EPAS1: variants seen among roughly 807,000 people sequenced by gnomAD.
The protein encoded by EPAS1 is endothelial PAS domain-containing protein 1.
A neutral mutation model predicts 87.9 loss-of-function variants in EPAS1; 23 were observed. The ratio of observed to expected loss-of-function variants is 0.26; its 90% CI spans 0.19 to 0.37. EPAS1 has a LOEUF of 0.37. EPAS1 is among the 10% of genes least tolerant of loss of function. The probability of loss-of-function intolerance (pLI) is 1.00; values close to 1 mark genes in which losing one functional copy is unlikely to be tolerated. For synonymous variants in EPAS1, 508 were observed against 444.3 expected, an observed-to-expected ratio of 1.14 and a Z score of -1.80; for missense variants, 1,138 against 1,120.7, an observed-to-expected ratio of 1.02 and a Z score of -0.22.
rs1480870313 is a variant in EPAS1, at chr2:46,384,837, T to C, written c.*177T>C. The C allele has an allele frequency of 1.7e-5, 12 of 709,470 alleles. No homozygotes were observed. The highest frequency in any genetic ancestry group is 2.6e-5 in the Non-Finnish European group (11 of 428,300). The allele number at this position is 709,470 out of a possible 1,614,324, so 43.9% of individuals were successfully genotyped here. On this transcript the variant is annotated 3_prime_UTR_variant, in exon 16 of 16. Coordinates refer to ENST00000263734, the MANE Select transcript of EPAS1 (RefSeq NM_001430.5). ...GCCTTTTTCTGAGATGCTCACTTTA[T>C]TATCCCTATTTTTAAAGTACACAAT...
intron 7 of EPAS1, among the ~76,000 whole-genome samples, chr2:46,370,565 T>G (rs867374700): frequency 9.9e-5 from 15 of 152,206 alleles, no homozygotes; most frequent in African/African-American, 3.4e-4. Context: ...AAACTCTGCT[T>G]TGCAGTTTGA....
intron 1 of EPAS1, among the ~76,000 whole-genome samples, chr2:46,332,737 C>T (rs1222009389): frequency 1.3e-5 from 2 of 151,226 alleles, no homozygotes; most frequent in Non-Finnish European, 2.9e-5. Flanking sequence ...TATGTTATAT[C>T]ACCAGAAGGG....
chr2:46,361,099 C>T lies in EPAS1; in HGVS notation c.779+9C>T, dbSNP rs1213252803. Reference sequence around the variant, plus strand: ...ACCTACTGTGATGACAGGTAGGGGGCCATGGGTGTGTATGCTGTGGGCAGA... The same window carrying T: ...ACCTACTGTGATGACAGGTAGGGGGTCATGGGTGTGTATGCTGTGGGCAGA... On this transcript the variant is annotated intron_variant, in intron 6 of 15. Coordinates refer to ENST00000263734, the MANE Select transcript of EPAS1 (RefSeq NM_001430.5). 6.2e-7 allele frequency: 1 copy of T among 1,613,768 alleles called. No homozygotes were observed. Among genetic ancestry groups the T allele is most frequent in the Non-Finnish European group, 8.5e-7 (1 of 1,179,802 alleles).
At chr2:46,341,717 C>G (rs1332913716) in intron 1 of EPAS1, among the ~76,000 whole-genome samples, 1 of 152,118 alleles carries the variant, frequency 6.6e-6, no homozygotes, top group Non-Finnish European at 1.5e-5. Flanking sequence ...CTTCCATAGA[C>G]ACATGATCAC....
At chr2:46,330,070 A>G (rs759219783) in intron 1 of EPAS1, among the ~76,000 whole-genome samples, 1 of 152,194 alleles carries the variant, frequency 6.6e-6, no homozygotes, top group Admixed American at 6.5e-5. Flanking sequence ...GTGATGCCAC[A>G]TGTTTGTTGT....
At chr2:46,333,155 C>G (rs372018813) in intron 1 of EPAS1, among the ~76,000 whole-genome samples, 12 of 152,276 alleles carry the variant, frequency 7.9e-5, no homozygotes, top group African/African-American at 2.6e-4. Context: ...CTTTATTAAT[C>G]CACTTTCTAC....
At chr2:46,368,516 C>T (rs1328227047) in intron 6 of EPAS1, among the ~76,000 whole-genome samples, 1 of 152,070 alleles carries the variant, frequency 6.6e-6, no homozygotes, top group Non-Finnish European at 1.5e-5. Context: ...GCTGTAGATA[C>T]TTAAATAAGA....
At chr2:46,319,266 G>A (rs1339742663) in intron 1 of EPAS1, among the ~76,000 whole-genome samples, 2 of 152,216 alleles carry the variant, frequency 1.3e-5, no homozygotes, top group Admixed American at 1.3e-4. Context: ...TGATCCTCCA[G>A]TGTGGCCCAT....
chr2:46,310,776 C>T (rs1043140067), intron 1 of EPAS1, among the ~76,000 whole-genome samples: 1 of 152,256 alleles, frequency 6.6e-6, no homozygotes, highest in African/African-American at 2.4e-5. Flanking sequence ...CGGGTCTCAT[C>T]CAAGTCACTT....
intron 1 of EPAS1, among the ~76,000 whole-genome samples, chr2:46,315,125 G>A (rs1226820037): frequency 1.3e-5 from 2 of 152,210 alleles, no homozygotes; most frequent in African/African-American, 4.8e-5. Flanking sequence ...TACTGCAAAA[G>A]AAGAGGTTGT....
intron 6 of EPAS1, among the ~76,000 whole-genome samples, chr2:46,367,810 C>T (rs1010843519): frequency 2.0e-5 from 3 of 152,236 alleles, no homozygotes; most frequent in Non-Finnish European, 4.4e-5. Flanking sequence ...CTCACCCAAG[C>T]AGAGAACTTG....
At chr2:46,326,323 G>C (rs1471067092) in intron 1 of EPAS1, among the ~76,000 whole-genome samples, 1 of 137,602 alleles carries the variant, frequency 7.3e-6, no homozygotes, top group Non-Finnish European at 1.5e-5. Flanking sequence ...TCCTGGAGTG[G>C]CTTAAGTATG....
At chr2:46,335,558 T>C (rs1484814409) in intron 1 of EPAS1, 7 of 152,138 alleles carry the variant, frequency 4.6e-5, no homozygotes, top group African/African-American at 1.4e-4. Context: ...TTTTTTCTAA[T>C]GTTATTACCC....
At chr2:46,383,570 C>T (rs1684947851) in intron 15 of EPAS1, among the ~76,000 whole-genome samples, 1 of 152,192 alleles carries the variant, frequency 6.6e-6, no homozygotes, top group African/African-American at 2.4e-5. Context: ...TAAATTCTGG[C>T]TCTGCTGTTG....
At chr2:46,316,539 G>A (rs1683341763) in intron 1 of EPAS1, among the ~76,000 whole-genome samples, 1 of 152,176 alleles carries the variant, frequency 6.6e-6, no homozygotes, top group Non-Finnish European at 1.5e-5. Context: ...GGGATTACAG[G>A]CATGAGCCAC....
intron 7 of EPAS1, among the ~76,000 whole-genome samples, chr2:46,370,619 A>G (rs558560846): frequency 1.0e-4 from 16 of 152,384 alleles, no homozygotes; most frequent in Non-Finnish European, 1.8e-4. Flanking sequence ...GGGCTGCCAC[A>G]TAGAACTTTC....
At chr2:46,302,463 AGTTCTTAACAGGT>A (rs1451111124) in intron 1 of EPAS1, among the ~76,000 whole-genome samples, 1 of 151,978 alleles carries the variant, frequency 6.6e-6, no homozygotes, top group Admixed American at 6.6e-5. Flanking sequence ...CATTGCTGGT[AGTTCTTAACAGGT>A]CTAGCTTTTA....
rs1684370272 is a variant in EPAS1 at position 46,360,832 on chromosome 2, C to T, written c.574-53C>T. 3.1e-6 allele frequency: 5 copies of T among 1,612,244 alleles called. No individual in the cohort carries two copies. Among genetic ancestry groups the T allele is most frequent in the Non-Finnish European group, 4.2e-6 (5 of 1,178,432 alleles). ...GTGCAGGGGATGCCTAAGGCCCTAC[C>T]CCCACCCCCAGCACTCTCGGCTCCA... is the stretch of plus-strand genomic sequence containing the variant. On this transcript the variant is annotated intron_variant, in intron 5 of 15. Transcript: ENST00000263734. The surrounding 1 kb of genome is among the most constrained non-coding windows in gnomAD (Gnocchi z 4.5).
At chr2:46,304,950 C>G (rs1348156848) in intron 1 of EPAS1, among the ~76,000 whole-genome samples, 1 of 152,224 alleles carries the variant, frequency 6.6e-6, no homozygotes, top group African/African-American at 2.4e-5. Context: ...TGAGCCTTAA[C>G]AGCCATCACA....
Sources: gnomAD v4.1 joint callset for allele counts (sites outside exome capture counted in the v4.1 genomes callset) on GRCh38, gnomAD v4.1.1 for gene constraint, Gnocchi (gnomAD v3.1) non-coding constraint, MANE v1.5 for transcripts, NCBI Gene and HGNC (gene_info 2026-07-23, HGNC 2026-07-21) for gene names.